MEGF9: variants seen among roughly 807,000 people sequenced by gnomAD.
The protein encoded by MEGF9 is multiple epidermal growth factor-like domains protein 9.
Under a neutral mutation model 46.8 loss-of-function variants are expected in MEGF9, and 6 were observed. The observed-to-expected ratio is 0.13, with a 90% CI of 0.07 to 0.25. The LOEUF is 0.25. Ranked by LOEUF, MEGF9 falls within the 10% of genes least tolerant of loss-of-function variation. The pLI is 1.00. For missense variants in MEGF9, 683 were observed against 792.4 expected, an observed-to-expected ratio of 0.86 and a Z score of 1.66; for synonymous variants, 302 against 330.7, an observed-to-expected ratio of 0.91 and a Z score of 0.94.
At chr9:120,652,455 G>T (rs1233099223) in intron 2 of MEGF9, among the ~76,000 whole-genome samples, 1 of 141,686 alleles carries the variant, frequency 7.1e-6, no homozygotes, top group Non-Finnish European at 1.5e-5. Flanking sequence ...CTCCAGGCTG[G>T]GTGACAGAGC....
rs774733730 is a variant in MEGF9 at position 120,659,522 on chromosome 9, G to C, written c.655C>G (p.Gln219Glu). The change falls in exon 2 of 6, where the codon CAG becomes GAG. Residue 219 changes from glutamine to glutamate, a missense_variant. Coordinates refer to ENST00000373930, the MANE Select transcript of MEGF9 (RefSeq NM_001080497.3). The part of the protein sequence containing the change: ...VGSLNVNRCN[Q>E]TTGQCECRPG... ...CGACACTCACACTGCCCTGTGGTCT[G>C]GTTGCAGCGATTCACATTCAGGCTT... 7 of 1,613,592 alleles carry C rather than the reference G, an allele frequency of 4.3e-6. No homozygotes were observed. Among genetic ancestry groups the C allele is most frequent in the Non-Finnish European group, 5.9e-6 (7 of 1,179,780 alleles).
At chr9:120,658,232 C>T (rs759697904) in intron 2 of MEGF9, among the ~76,000 whole-genome samples, 7 of 152,184 alleles carry the variant, frequency 4.6e-5, no homozygotes, top group Non-Finnish European at 8.8e-5. Flanking sequence ...AGTGATCCAC[C>T]CGCCTTGGCC....
At chr9:120,642,766 T>C (rs184980174) in intron 2 of MEGF9, among the ~76,000 whole-genome samples, 1 of 152,208 alleles carries the variant, frequency 6.6e-6, no homozygotes, top group Non-Finnish European at 1.5e-5. Flanking sequence ...ATTAAAGTAA[T>C]GGTCATGGTA....
At chr9:120,631,284 G>T (rs553745044) in intron 2 of MEGF9, among the ~76,000 whole-genome samples, 123 of 152,332 alleles carry the variant, frequency 8.1e-4, no homozygotes, top group Non-Finnish European at 1.3e-3. Context: ...TCAAGTGGCT[G>T]TAAGTATGTG....
intron 1 of MEGF9, among the ~76,000 whole-genome samples, chr9:120,708,921 T>C (rs567158560): frequency 6.6e-6 from 1 of 152,220 alleles, no homozygotes; most frequent in Non-Finnish European, 1.5e-5. Context: ...TAAATTTTAA[T>C]AGAGCTTAGC....
intron 2 of MEGF9, among the ~76,000 whole-genome samples, chr9:120,635,429 G>T (rs889922626): frequency 1.3e-5 from 2 of 152,022 alleles, no homozygotes; most frequent in Admixed American, 6.6e-5. Flanking sequence ...CCCTTCCCTA[G>T]AACTCTCACA....
At chr9:120,631,912 C>T (rs571758140) in intron 2 of MEGF9, among the ~76,000 whole-genome samples, 1 of 152,066 alleles carries the variant, frequency 6.6e-6, no homozygotes, top group South Asian at 2.1e-4. Context: ...TCCTTCCTCA[C>T]CTTCTCCTTC....
At chr9:120,621,547 C>T (rs976154067) in intron 3 of MEGF9, among the ~76,000 whole-genome samples, 1 of 152,052 alleles carries the variant, frequency 6.6e-6, no homozygotes, top group African/African-American at 2.4e-5. Context: ...GACATTTTGC[C>T]TCTCTTCACC....
chr9:120,667,569 C>G (rs1422723280), intron 1 of MEGF9, among the ~76,000 whole-genome samples: 1 of 152,140 alleles, frequency 6.6e-6, no homozygotes, highest in Non-Finnish European at 1.5e-5. Flanking sequence ...TCTATCTAAT[C>G]TATCCAACAA....
chr9:120,639,326 T>G (rs1028958889), intron 2 of MEGF9, among the ~76,000 whole-genome samples: 1 of 151,806 alleles, frequency 6.6e-6, no homozygotes, highest in Admixed American at 6.6e-5. Context: ...TTGGCCAACA[T>G]GGTGAGACCC....
At chr9:120,686,100 T>G (rs2132335365) in intron 1 of MEGF9, among the ~76,000 whole-genome samples, 1 of 151,012 alleles carries the variant, frequency 6.6e-6, no homozygotes, top group South Asian at 2.1e-4. Flanking sequence ...TTTTTTTTTT[T>G]TTTTTTTGAG....
At chr9:120,712,015 G>C (rs964539562) in intron 1 of MEGF9, among the ~76,000 whole-genome samples, 17 of 152,128 alleles carry the variant, frequency 1.1e-4, no homozygotes, top group African/African-American at 3.1e-4. Context: ...CTAGAACTTT[G>C]GGAGGCCGAG....
rs1269378667 is a variant in MEGF9, at chr9:120,659,305, G to A, written c.803+69C>T. ...CTTTGTTTAAACCAGTATGGTCCTTGAGAGTAGCAGCCTTTTTTTTCCCCT... is the reference window on the plus strand; with the variant it reads ...CTTTGTTTAAACCAGTATGGTCCTTAAGAGTAGCAGCCTTTTTTTTCCCCT... On this transcript the variant is annotated intron_variant, in intron 2 of 5. Coordinates refer to ENST00000373930, the MANE Select transcript of MEGF9 (RefSeq NM_001080497.3). 3.6e-6 allele frequency: 5 copies of A among 1,370,954 alleles called. No homozygotes were observed. In the Admixed American group the frequency reaches 8.0e-5, roughly 22 times the overall value. 84.9% of individuals were successfully genotyped at this position (1,370,954 alleles called of 1,614,324 possible). A position where few individuals can be genotyped will look rare whatever the true frequency, so the allele number is the denominator to read the frequency against.
intron 2 of MEGF9, among the ~76,000 whole-genome samples, chr9:120,656,740 G>C (rs1176525039): frequency 6.6e-6 from 1 of 151,772 alleles, no homozygotes. Flanking sequence ...GCAGGAGAGG[G>C]ACAGGACATG....
In MEGF9 at chr9:120,605,061, C is replaced by T; in HGVS notation, c.*129G>A. On this transcript the variant is annotated 3_prime_UTR_variant, in exon 6 of 6. Coordinates refer to ENST00000373930, the MANE Select transcript of MEGF9 (RefSeq NM_001080497.3). This position sits in a 1 kb window ranked among gnomAD's most constrained non-coding sequence, Gnocchi z 4.0. ...AGGCTAAGCGCATTACAAATTTGTA[C>T]CTGAAAATTTCAGATGCACTATTTG... The T allele has an allele frequency of 1.1e-6, 1 of 874,144 alleles. No homozygotes were observed. Among genetic ancestry groups the T allele is most frequent in the Non-Finnish European group, 1.7e-6 (1 of 577,694 alleles). The allele number at this position is 874,144 out of a possible 1,614,324, so 54.1% of individuals were successfully genotyped here. A position where few individuals can be genotyped will look rare whatever the true frequency, so the allele number is the denominator to read the frequency against.
intron 3 of MEGF9, among the ~76,000 whole-genome samples, chr9:120,620,065 A>G (rs536547219): frequency 2.2e-4 from 33 of 152,372 alleles, no homozygotes; most frequent in African/African-American, 7.9e-4. Context: ...AATTCCAAAC[A>G]AAGAACCCAT....
chr9:120,605,398 G>A lies in MEGF9; in HGVS notation c.1601C>T (p.Ala534Val), dbSNP rs779468777. 1.1e-5 allele frequency: 18 copies of A among 1,613,882 alleles called. No homozygotes were observed. Among genetic ancestry groups the A allele is most frequent in the Non-Finnish European group, 1.4e-5 (17 of 1,179,896 alleles). ...TTGGTACTCGCGGTACATATATACA[G>A]CCCCCACAAATCCCATTAGCAGCAC... ...VVVLLMGFVGAVYMYREYQNR... is the reference protein window; with the variant it reads ...VVVLLMGFVGVVYMYREYQNR... The change falls in exon 6 of 6, where the codon GCT (alanine) becomes GTT (valine). Residue 534 changes from alanine (A) to valine (V), a missense_variant. Around this residue, in one of 2 missense-constraint regions of MEGF9, gnomAD observed 313 missense variants for 421.1 expected, o/e 0.74. Coordinates refer to ENST00000373930, the MANE Select transcript of MEGF9 (RefSeq NM_001080497.3). The surrounding 1 kb of genome is among the most constrained non-coding windows in gnomAD (Gnocchi z 4.0).
intron 4 of MEGF9, 107 bp from the exon 5 acceptor site, chr9:120,608,117 G>T: frequency 7.6e-7 from 1 of 1,307,684 alleles, no homozygotes; most frequent in African/African-American, 1.5e-5. Context: ...AACTTTGGAG[G>T]CCAAGGTGGA....
At chr9:120,708,479 A>G (rs560797457) in intron 1 of MEGF9, among the ~76,000 whole-genome samples, 1 of 152,370 alleles carries the variant, frequency 6.6e-6, no homozygotes, top group South Asian at 2.1e-4. Context: ...GCTTGCTTAA[A>G]CAAAGTCTAT....
Sources: allele counts gnomAD v4.1 joint callset (sites outside exome capture counted in the v4.1 genomes callset), GRCh38; gene constraint gnomAD v4.1.1; regional missense constraint gnomAD v4.1.1; non-coding constraint Gnocchi (gnomAD v3.1); transcripts MANE v1.5; gene names NCBI Gene and HGNC (gene_info 2026-07-23, HGNC 2026-07-21).